Variants in TTN observed in about 807,000 individuals in gnomAD.
The protein encoded by TTN is titin.
A neutral mutation model predicts 3,223.0 loss-of-function variants in TTN; 1,525 were observed. That is an observed-to-expected ratio of 0.47 (90% CI 0.45 to 0.49). TTN has a LOEUF of 0.49. Among genes scored for constraint, TTN ranks in the 20% least tolerant of loss-of-function variants. The pLI, the probability that TTN is intolerant of heterozygous loss-of-function variation, is 0.00. For missense variants in TTN, 40,786 were observed against 43,424.0 expected (o/e 0.94, Z 5.40); for synonymous variants, 14,094 against 15,161.0 (o/e 0.93, Z 5.17).
chr2:178,544,069 G>A lies in TTN; in HGVS notation c.96075C>T (p.Thr32025=), dbSNP rs1348187147. 6.2e-7 allele frequency: 1 copy of A among 1,613,190 alleles called. No individual in the cohort carries two copies. The highest frequency in any genetic ancestry group is 1.3e-5 in the African/African-American group (1 of 74,864). Residue 32025 remains threonine, a synonymous_variant, in exon 346 of 363, where the codon ACC becomes ACT. Coordinates refer to ENST00000589042, the MANE Select transcript of TTN (RefSeq NM_001267550.2). Reference sequence around the variant, plus strand: ...AGCGCAAGGAGGCCCCAGCCCTGATGGTCACAGTCTTCTTTAGATCATCTG... The same window carrying A: ...AGCGCAAGGAGGCCCCAGCCCTGATAGTCACAGTCTTCTTTAGATCATCTG... ...ELADDLKKTV[T]IRAGASLRLM...
intron 157 of TTN, among the ~76,000 whole-genome samples, chr2:178,669,918 CT>C (rs202185171): frequency 4.2e-4 from 63 of 149,530 alleles, no homozygotes; most frequent in African/African-American, 1.1e-3. Context: ...TTAGAGCACA[CT>C]TTTTTTTTTC....
chr2:178,651,312 C>A lies in TTN; in HGVS notation c.39556G>T (p.Val13186Phe). Reference sequence around the variant, plus strand: ...TTTTCTGGAACAACTTCTTTTGGAACTTCAGGCACTTCAAATATATTAGTA... The same window carrying A: ...TTTTCTGGAACAACTTCTTTTGGAAATTCAGGCACTTCAAATATATTAGTA... ...PEAPPAKVPE[V>F]PKEVVPEKKV... Residue 13186 changes from valine (V) to phenylalanine (F), a missense_variant, in exon 208 of 363, where the codon GTT becomes TTT. Val to Phe is a conservative substitution (Grantham distance 50). Coordinates refer to ENST00000589042, the MANE Select transcript of TTN (RefSeq NM_001267550.2). The A allele has an allele frequency of 1.2e-6, 2 of 1,612,872 alleles. No homozygotes were observed. Among genetic ancestry groups the A allele is most frequent in the Non-Finnish European group, 1.7e-6 (2 of 1,179,290 alleles).
rs778857510 is a variant in TTN, at chr2:178,534,817, T to C, written c.101798A>G (p.His33933Arg). 17 of 1,611,026 alleles carry C rather than the reference T, an allele frequency of 1.1e-5. No homozygotes were observed. The South Asian group carries it at 1.8e-4, about 17-fold the overall frequency. Reference sequence around the variant, plus strand: ...TCTAATGTCAAAGTGTCCAATATTATGACTGTGTAAAAACTGAAGTGCTTC... The same window carrying C: ...TCTAATGTCAAAGTGTCCAATATTACGACTGTGTAAAAACTGAAGTGCTTC... ...VCEALQFLHSHNIGHFDIRPE... is the reference protein window; with the variant it reads ...VCEALQFLHSRNIGHFDIRPE... Residue 33933 changes from histidine (H) to arginine (R), a missense_variant, in exon 358 of 363, where the codon CAT becomes CGT. His to Arg is a conservative substitution (Grantham distance 29). Coordinates refer to ENST00000589042, the MANE Select transcript of TTN (RefSeq NM_001267550.2).
At position 178,625,346 on chromosome 2, in the gene TTN, T is replaced by G. The variant is rs1576607946; in HGVS notation, c.44475A>C (p.Val14825=). Residue 14825 remains valine (V), a synonymous_variant, in exon 241 of 363, where the codon GTA becomes GTC. Transcript: ENST00000589042. ...GGACTTCCCCAGCATCTTCTAACTT[T>G]ACATCCCTCAGAGTAAGTGTATGAA... ...GKVHTLTLRD[V]KLEDAGEVQL... The G allele has an allele frequency of 6.2e-7, 1 of 1,602,370 alleles. No individual in the cohort carries two copies. The highest frequency in any genetic ancestry group is 8.5e-7 in the Non-Finnish European group (1 of 1,175,032).
chr2:178,534,323 T>A lies in TTN; in HGVS notation c.102292A>T (p.Ile34098Phe). 6.2e-7 allele frequency: 1 copy of A among 1,613,462 alleles called. No individual in the cohort carries two copies. The highest frequency in any genetic ancestry group is 8.5e-7 in the Non-Finnish European group (1 of 1,179,836). Residue 34098 changes from isoleucine (I) to phenylalanine (F), a missense_variant, in exon 358 of 363, where the codon ATC (isoleucine) becomes TTC (phenylalanine). Coordinates refer to ENST00000589042, the MANE Select transcript of TTN (RefSeq NM_001267550.2). ...LKHRRYYHTL[I>F]KKDLNMVVSA... Reference sequence around the variant, plus strand: ...ACAACCATGTTGAGGTCTTTCTTGATCAGGGTGTGGTAATAACGCCGGTGT... The same window carrying A: ...ACAACCATGTTGAGGTCTTTCTTGAACAGGGTGTGGTAATAACGCCGGTGT...
Position 178,564,889 on chromosome 2 carries a change from C to T in TTN, c.81243G>A (p.Val27081=). ...KEPGPPGTPF[V]TSISKDQMLV... Reference sequence around the variant, plus strand: ...GCATCTGATCTTTTGAGATTGATGTCACAAAAGGAGTTCCAGGTGGTCCAG... The same window carrying T: ...GCATCTGATCTTTTGAGATTGATGTTACAAAAGGAGTTCCAGGTGGTCCAG... The change falls in exon 326 of 363, where the codon GTG becomes GTA. Residue 27081 remains valine, a synonymous_variant. Coordinates refer to ENST00000589042, the MANE Select transcript of TTN (RefSeq NM_001267550.2). 1 of 1,612,446 alleles carries T rather than the reference C, an allele frequency of 6.2e-7. No homozygotes were observed. Among genetic ancestry groups the T allele is most frequent in the Non-Finnish European group, 8.5e-7 (1 of 1,179,384 alleles).
At position 178,670,293 on chromosome 2, in the gene TTN, G is replaced by A; in HGVS notation, c.35311C>T (p.Pro11771Ser). Residue 11771 changes from proline (P) to serine (S), a missense_variant and splice_region_variant, in exon 157 of 363, where the codon CCG becomes TCG. Transcript: ENST00000589042. ...ACCACAATTTTCTTAGGCACCTCCG[G>A]TACTTTAAAGATAATAGTAATAATT... is the stretch of plus-strand genomic sequence containing the variant. ...VPRKEPPAKV[P>S]EVPKKIVVEE... 1 of 1,461,258 alleles carries A rather than the reference G, an allele frequency of 6.8e-7. No individual in the cohort carries two copies. Among genetic ancestry groups the A allele is most frequent in the Non-Finnish European group, 9.0e-7 (1 of 1,108,484 alleles). 90.5% of individuals were successfully genotyped at this position (1,461,258 alleles called of 1,614,324 possible).
intron 33 of TTN, 101 bp downstream of exon 33, chr2:178,773,007 CA>C: frequency 6.8e-7 from 1 of 1,465,390 alleles, no homozygotes; most frequent in Non-Finnish European, 9.4e-7. Context: ...TAAGCAGAGG[CA>C]TGGAAGTGGG....
Position 178,587,960 on chromosome 2 carries a change from GT to G in TTN, c.63446del (p.Asn21149ThrfsTer11), listed in dbSNP as rs2154182634. The stretch of plus-strand genomic sequence containing the variant: ...CTGCAGGGCGCCCAATACCAACTTG[GT>G]TTTGGGCACACACCCTGAACTCATA... ...QEYEFRVCAQ[N>X]QVGIGRPAEL... On this transcript the variant is annotated frameshift_variant, in exon 305 of 363. Coordinates refer to ENST00000589042, the MANE Select transcript of TTN (RefSeq NM_001267550.2). LOFTEE classifies it high-confidence loss of function. 6.2e-7 allele frequency: 1 copy of G among 1,611,036 alleles called. No individual in the cohort carries two copies. Among genetic ancestry groups the G allele is most frequent in the Non-Finnish European group, 8.5e-7 (1 of 1,178,538 alleles).
At position 178,620,300 on chromosome 2, in the gene TTN, G is replaced by T. The variant is rs370808856; in HGVS notation, c.46221C>A (p.Asp15407Glu). Residue 15407 changes from aspartate (D) to glutamate (E), a missense_variant, in exon 248 of 363, where the codon GAC (aspartate) becomes GAA (glutamate). Coordinates refer to ENST00000589042, the MANE Select transcript of TTN (RefSeq NM_001267550.2). ...LEDQTVTEFD[D>E]AVFSCQLSRE... ...TGGAGAGCTGGCAGGAGAAGACAGC[G>T]TCATCGAACTCAGTGACTGTCTGAT... The T allele has an allele frequency of 1.3e-6, 2 of 1,568,936 alleles. No homozygotes were observed. The highest frequency in any genetic ancestry group is 1.2e-5 in the South Asian group (1 of 82,158).
Position 178,636,141 on chromosome 2 carries a change from C to T in TTN, c.41430G>A (p.Val13810=). ...LSCELNKERD[V]VWRKDGKIVV... ...CAATCTTGCCATCCTTCCTCCAGAC[C>T]ACGTCACGCTCTTTGTTTAACTCGC... Residue 13810 remains valine, a synonymous_variant, in exon 226 of 363, where the codon GTG becomes GTA. Coordinates refer to ENST00000589042, the MANE Select transcript of TTN (RefSeq NM_001267550.2). The surrounding 1 kb of genome is among the most constrained non-coding windows in gnomAD (Gnocchi z 4.3). 6.2e-7 allele frequency: 1 copy of T among 1,613,074 alleles called. No individual in the cohort carries two copies. Among genetic ancestry groups the T allele is most frequent in the Non-Finnish European group, 8.5e-7 (1 of 1,179,468 alleles).
At chr2:178,610,030 C>T (rs369013341) in intron 271 of TTN, 44 bp from the exon 272 acceptor site, 38 of 1,610,560 alleles carry the variant, frequency 2.4e-5, no homozygotes, top group Non-Finnish European at 3.1e-5. Context: ...AAACCACCTT[C>T]TTAAAACAAA....
chr2:178,647,553 C>T (rs937496137), intron 213 of TTN, 89 bp from the exon 214 acceptor site: 26 of 1,272,164 alleles, frequency 2.0e-5, no homozygotes, highest in Non-Finnish European at 2.3e-5. Context: ...GGGGCAAGAG[C>T]TTCATCTTAG....
intron 128 of TTN, 44 bp from the exon 129 acceptor site, chr2:178,685,374 C>A: frequency 6.6e-7 from 1 of 1,518,468 alleles, no homozygotes; most frequent in Non-Finnish European, 8.9e-7. Flanking sequence ...GTCTAGATTT[C>A]TTTTCGATAA....
At position 178,779,529 on chromosome 2, in the gene TTN, G is replaced by C. The variant is rs1371689637; in HGVS notation, c.3730-67C>G. ...ACTGATATAAATTATTTAAGGAGAT[G>C]TATCTGAGCTAGACTGTTGAAGTTT... On this transcript the variant is annotated intron_variant, in intron 22 of 362. Coordinates refer to ENST00000589042, the MANE Select transcript of TTN (RefSeq NM_001267550.2). 4 of 1,076,044 alleles carry C rather than the reference G, an allele frequency of 3.7e-6. No homozygotes were observed. In the African/African-American group the frequency reaches 4.8e-5, roughly 13 times the overall value. 66.7% of individuals were successfully genotyped at this position (1,076,044 alleles called of 1,614,324 possible).
Position 178,551,189 on chromosome 2 carries a change from G to A in TTN, c.91342C>T (p.Arg30448Cys), listed in dbSNP as rs756030714. The A allele has an allele frequency of 3.0e-5, 48 of 1,613,336 alleles. No homozygotes were observed. Among genetic ancestry groups the A allele is most frequent in the African/African-American group, 6.7e-5 (5 of 74,832 alleles). Reference protein sequence around the residue: ...TITLKWNPPLRDGGSKIVGYS... With the variant: ...TITLKWNPPLCDGGSKIVGYS... ...CCCACAATCTTACTGCCTCCATCAC[G>A]CAATGGTGGGTTCCATTTAAGTGTG... Residue 30448 changes from arginine (R) to cysteine (C), a missense_variant, in exon 336 of 363, where the codon CGT becomes TGT. Arg to Cys is a radical substitution (Grantham distance 180, BLOSUM62 -3). Coordinates refer to ENST00000589042, the MANE Select transcript of TTN (RefSeq NM_001267550.2).
rs2055527887 is a variant in TTN, at chr2:178,608,692, T to C, written c.52319A>G (p.Glu17440Gly). The C allele has an allele frequency of 1.2e-6, 2 of 1,612,288 alleles. No homozygotes were observed. Among genetic ancestry groups the C allele is most frequent in the East Asian group, 2.2e-5 (1 of 44,542 alleles). ...TTCAGCTCTTACACGGAAGAGGTACTCTTTTCCTTCAATCAGTTTTGTTAC... is the reference window on the plus strand; with the variant it reads ...TTCAGCTCTTACACGGAAGAGGTACCCTTTTCCTTCAATCAGTTTTGTTAC... The part of the protein sequence containing the change: ...YSVTKLIEGK[E>G]YLFRVRAENR... Residue 17440 changes from glutamate (E) to glycine (G), a missense_variant, in exon 274 of 363, where the codon GAG becomes GGG. Glu to Gly is a moderately conservative substitution (Grantham distance 98, BLOSUM62 -2). Transcript: ENST00000589042.
chr2:178,617,739 A>T, intron 253 of TTN, 40 bp downstream of exon 253: 1 of 1,604,424 alleles, frequency 6.2e-7, no homozygotes, highest in Non-Finnish European at 8.5e-7. Flanking sequence ...TAATATCTGG[A>T]TTTCATGCAG....
intron 67 of TTN, 103 bp downstream of exon 67, chr2:178,728,007 C>A: frequency 7.0e-7 from 1 of 1,421,758 alleles, no homozygotes; most frequent in Non-Finnish European, 9.3e-7. Flanking sequence ...ATCTAAAGAA[C>A]CAGAATCATA....
Sources: allele counts gnomAD v4.1 joint callset (sites outside exome capture counted in the v4.1 genomes callset), GRCh38; gene constraint gnomAD v4.1.1; non-coding constraint Gnocchi (gnomAD v3.1); transcripts MANE v1.5; gene names NCBI Gene and HGNC (gene_info 2026-07-23, HGNC 2026-07-21).